TMEM117: variants seen among roughly 807,000 people sequenced by gnomAD.
TMEM117 encodes transmembrane protein 117.
TMEM117 carries 27 observed loss-of-function variants against 52.4 expected under a neutral mutation model. The ratio of observed to expected loss-of-function variants is 0.51; its 90% CI spans 0.38 to 0.71. TMEM117 has a LOEUF of 0.71. Ranked by LOEUF, TMEM117 falls within the 30% of genes least tolerant of loss-of-function variation. The pLI is 0.00. For synonymous variants in TMEM117, 215 were observed against 206.3 expected, an observed-to-expected ratio of 1.04 and a Z score of -0.36; for missense variants, 556 against 630.5, an observed-to-expected ratio of 0.88 and a Z score of 1.26.
At chr12:44,384,281 A>AT (rs1294628720) in intron 7 of TMEM117, among the ~76,000 whole-genome samples, 1 of 151,966 alleles carries the variant, frequency 6.6e-6, no homozygotes, top group Non-Finnish European at 1.5e-5. Context: ...AAAAAGGGCC[A>AT]TTTTTTCTAC....
At chr12:43,971,801 C>T (rs1002967904) in intron 3 of TMEM117, among the ~76,000 whole-genome samples, 2 of 152,148 alleles carry the variant, frequency 1.3e-5, no homozygotes, top group Non-Finnish European at 2.9e-5. Flanking sequence ...TTAAAATATA[C>T]AATGCATTAT....
intron 5 of TMEM117, among the ~76,000 whole-genome samples, chr12:44,262,496 T>A (rs1222884981): frequency 1.3e-5 from 2 of 152,170 alleles, no homozygotes; most frequent in Non-Finnish European, 2.9e-5. Flanking sequence ...GGTTATCTTG[T>A]CCAAACTATA....
At chr12:43,956,527 A>G (rs1945310642) in intron 3 of TMEM117, among the ~76,000 whole-genome samples, 1 of 149,946 alleles carries the variant, frequency 6.7e-6, no homozygotes, top group Non-Finnish European at 1.5e-5. Flanking sequence ...AAAAAGACGT[A>G]CATGCAACCA....
chr12:44,260,183 T>C lies in TMEM117; in HGVS notation c.609-39397T>C, dbSNP rs1326054821. On this transcript the variant is annotated intron_variant, in intron 5 of 7. Coordinates refer to ENST00000266534, the MANE Select transcript of TMEM117 (RefSeq NM_032256.3). ...ACTAAGGCCATTATTGCCACAGATA[T>C]CTGCAGGTTAGTGAAAGGTGAGAAA... 1.3e-5 allele frequency among the ~76,000 whole-genome samples: 2 copies of C among 152,122 alleles called. 1 individual carries two copies. The highest frequency in any genetic ancestry group is 2.9e-5 in the Non-Finnish European group (2 of 68,016).
chr12:43,972,602 G>A (rs577356969), intron 3 of TMEM117, among the ~76,000 whole-genome samples: 11 of 152,168 alleles, frequency 7.2e-5, no homozygotes, highest in South Asian at 2.1e-4. Flanking sequence ...TTTACAGAGC[G>A]CTGATTGGTC....
At chr12:44,298,916 C>T (rs1393948501) in intron 5 of TMEM117, among the ~76,000 whole-genome samples, 1 of 150,554 alleles carries the variant, frequency 6.6e-6, no homozygotes, top group Non-Finnish European at 1.5e-5. Context: ...ATTTCCTCAC[C>T]CATTCACCAT....
intron 6 of TMEM117, among the ~76,000 whole-genome samples, chr12:44,327,957 T>C (rs1201310581): frequency 6.6e-6 from 1 of 152,188 alleles, no homozygotes; most frequent in Non-Finnish European, 1.5e-5. Context: ...ATACTGTGAC[T>C]TAAACATCCA....
At chr12:44,283,010 C>T (rs1307013308) in intron 5 of TMEM117, among the ~76,000 whole-genome samples, 1 of 152,234 alleles carries the variant, frequency 6.6e-6, no homozygotes, top group African/African-American at 2.4e-5. Flanking sequence ...GGCGGAAGCC[C>T]CAAACTTTGG....
chr12:44,092,750 A>G (rs1947695678), intron 3 of TMEM117, among the ~76,000 whole-genome samples: 1 of 152,186 alleles, frequency 6.6e-6, no homozygotes, highest in Non-Finnish European at 1.5e-5. Context: ...AGAGGCTAAG[A>G]ACTATTCATT....
the TMEM117 span, chr12:43,797,660 A>C: frequency 6.3e-7 from 1 of 1,592,756 alleles, no homozygotes; most frequent in Non-Finnish European, 8.5e-7. Context: ...TATGAGTCAT[A>C]AACTACCAAA....
chr12:44,365,653 A>T (rs1210448800), intron 6 of TMEM117, among the ~76,000 whole-genome samples: 2 of 152,080 alleles, frequency 1.3e-5, no homozygotes, highest in Non-Finnish European at 2.9e-5. Flanking sequence ...GACTAAATAT[A>T]TCAAATGCCT....
In TMEM117 at chr12:43,904,245, C is replaced by T. The variant is rs548471694; in HGVS notation, c.278-39965C>T. ...ACCTTTTAGGCCAGACACGGTGGCT[C>T]ATGCCTGTAATCCCAGAACTTTGTA... On this transcript the variant is annotated intron_variant, in intron 2 of 7. Coordinates refer to ENST00000266534, the MANE Select transcript of TMEM117 (RefSeq NM_032256.3). 1.2e-3 allele frequency among the ~76,000 whole-genome samples: 185 copies of T among 152,200 alleles called. 1 individual carries two copies. The highest frequency in any genetic ancestry group is 2.3e-3 in the Non-Finnish European group (154 of 68,000).
chr12:43,840,553 C>T (rs1213304692), intron 1 of TMEM117, among the ~76,000 whole-genome samples: 1 of 152,174 alleles, frequency 6.6e-6, no homozygotes, highest in Non-Finnish European at 1.5e-5. Context: ...GTTGCTCCAC[C>T]TTCTCATCTC....
rs190530901 is a variant in TMEM117, at chr12:44,137,515, G to C, written c.411-6010G>C. Among the ~76,000 whole-genome samples the C allele has an allele frequency of 1.2e-3, 189 of 152,206 alleles. 1 individual carries two copies. The highest frequency in any genetic ancestry group is 4.1e-3 in the African/African-American group (169 of 41,538). ...GGTTCTTCTTATCCATGTTGTCTTA[G>C]TCCATTTTCACGCTGCTGATAAAGA... On this transcript the variant is annotated intron_variant, in intron 3 of 7. Transcript: ENST00000266534.
At chr12:44,137,870 T>A (rs1035273112) in intron 3 of TMEM117, among the ~76,000 whole-genome samples, 3 of 152,094 alleles carry the variant, frequency 2.0e-5, no homozygotes, top group African/African-American at 7.2e-5. Context: ...CCATATCACA[T>A]GCTTTACCCT....
At chr12:43,805,419 GA>G in the TMEM117 span, 4 of 384,010 alleles carry the variant, frequency 1.0e-5, no homozygotes, top group African/African-American at 2.1e-5. Flanking sequence ...TCATCTGGGA[GA>G]AAGACTCGCT....
chr12:44,320,181 A>T (rs1460365236), intron 6 of TMEM117, among the ~76,000 whole-genome samples: 6 of 152,052 alleles, frequency 3.9e-5, no homozygotes, highest in Non-Finnish European at 1.5e-5. Context: ...ACACCAAAAA[A>T]CCTTTTAAAA....
At chr12:43,918,591 G>T (rs1592362661) in intron 2 of TMEM117, among the ~76,000 whole-genome samples, 2 of 152,138 alleles carry the variant, frequency 1.3e-5, no homozygotes, top group African/African-American at 4.8e-5. Flanking sequence ...ATGCTTGCTT[G>T]TCTGTAGGCC....
At chr12:44,078,784 C>T (rs896027818) in intron 3 of TMEM117, among the ~76,000 whole-genome samples, 8 of 151,866 alleles carry the variant, frequency 5.3e-5, no homozygotes, top group Non-Finnish European at 1.2e-4. Context: ...TAGGTATACA[C>T]ATGCCATGGT....
Sources: gnomAD v4.1 joint callset for allele counts (sites outside exome capture counted in the v4.1 genomes callset) on GRCh38, gnomAD v4.1.1 for gene constraint, MANE v1.5 for transcripts, NCBI Gene and HGNC (gene_info 2026-07-23, HGNC 2026-07-21) for gene names.